Variants in SDCCAG8 observed in about 807,000 individuals in gnomAD.
The protein encoded by SDCCAG8 is SHH signaling and ciliogenesis regulator SDCCAG8, also known as serologically defined colon cancer antigen 8.
SDCCAG8 carries 74 observed loss-of-function variants against 101.8 expected under a neutral mutation model. That is an observed-to-expected ratio of 0.73 (90% CI 0.60 to 0.88). SDCCAG8 has a LOEUF of 0.88. Ranked by LOEUF, SDCCAG8 falls within the 40% of genes least tolerant of loss-of-function variation. SDCCAG8 has a pLI of 0.00. For missense variants in SDCCAG8, 787 were observed against 822.6 expected (o/e 0.96, Z 0.53); for synonymous variants, 281 against 292.9 (o/e 0.96, Z 0.41).
rs1660063173 is a variant in SDCCAG8 at position 243,466,000 on chromosome 1, G to A, written c.1986-23014G>A. 2.0e-5 allele frequency among the ~76,000 whole-genome samples: 3 copies of A among 152,300 alleles called. No homozygotes were observed. In the South Asian group the frequency reaches 6.2e-4, roughly 32 times the overall value. On this transcript the variant is annotated intron_variant, in intron 16 of 17. Transcript: ENST00000366541. ...GGGCAGACTCTCACTCTCTATCTTAGTGGGGCTGGCTAATTTCATTACCTA... is the reference window on the plus strand; with the variant it reads ...GGGCAGACTCTCACTCTCTATCTTAATGGGGCTGGCTAATTTCATTACCTA...
intron 7 of SDCCAG8, chr1:243,307,441 A>G (rs1400798168): frequency 2.0e-6 from 2 of 981,434 alleles, no homozygotes; most frequent in Non-Finnish European, 2.4e-6. Context: ...ATAATTATCT[A>G]TCTAACAGTA....
At chr1:243,256,489 CA>C (rs1244519358) in intron 1 of SDCCAG8, among the ~76,000 whole-genome samples, 1 of 152,252 alleles carries the variant, frequency 6.6e-6, no homozygotes, top group Non-Finnish European at 1.5e-5. Context: ...GCATCTTTCT[CA>C]ACCGGCGACA....
chr1:243,346,261 T>G (rs2075700418), intron 12 of SDCCAG8: 1 of 154,398 alleles, frequency 6.5e-6, no homozygotes, highest in African/African-American at 2.4e-5. Flanking sequence ...TTGGCCACCA[T>G]CTGCACTCAA....
chr1:243,460,263 GA>G (rs369095008), intron 16 of SDCCAG8, among the ~76,000 whole-genome samples: 35 of 152,238 alleles, frequency 2.3e-4, no homozygotes, highest in African/African-American at 7.7e-4. Flanking sequence ...AAAGAGGCAT[GA>G]TTTTTTTTTT....
intron 17 of SDCCAG8, among the ~76,000 whole-genome samples, chr1:243,492,627 T>TG (rs1553382547): frequency 3.5e-4 from 40 of 113,308 alleles, no homozygotes; most frequent in South Asian, 2.8e-3. Flanking sequence ...TTTTTTTTTT[T>TG]GATGAGTTTT....
rs1009382298 is a variant in SDCCAG8, at chr1:243,497,056, A to G, written c.2113-2700A>G. 4.6e-5 allele frequency among the ~76,000 whole-genome samples: 7 copies of G among 152,172 alleles called. No individual in the cohort carries two copies. The South Asian group carries it at 1.2e-3, about 27-fold the overall frequency. On this transcript the variant is annotated intron_variant, in intron 17 of 17. Transcript: ENST00000366541. ...GACGGGAGACACTGGCTGAGGGCTC[A>G]TGTCCCACTGGCATACGCACGCTCT...
chr1:243,394,171 C>T (rs1319826655), intron 13 of SDCCAG8, among the ~76,000 whole-genome samples: 1 of 152,030 alleles, frequency 6.6e-6, no homozygotes, highest in Non-Finnish European at 1.5e-5. Flanking sequence ...AGGTTTATAA[C>T]TTGGCTCAAT....
intron 16 of SDCCAG8, among the ~76,000 whole-genome samples, chr1:243,442,049 G>T (rs759256144): frequency 9.2e-5 from 14 of 151,960 alleles, no homozygotes; most frequent in Non-Finnish European, 1.5e-4. Flanking sequence ...ATAAAACTTC[G>T]TATTTTTACA....
chr1:243,466,117 AG>A (rs1164529924), intron 16 of SDCCAG8, among the ~76,000 whole-genome samples: 1 of 152,208 alleles, frequency 6.6e-6, no homozygotes, highest in Non-Finnish European at 1.5e-5. Flanking sequence ...GGCAAAGCAA[AG>A]GACTTTGGTT....
At chr1:243,353,490 CAAAAAAAAAAAAAAAAAAAAA>C (rs542632635) in intron 12 of SDCCAG8, among the ~76,000 whole-genome samples, 3 of 27,598 alleles carry the variant, frequency 1.1e-4, no homozygotes, top group African/African-American at 4.2e-4. Context: ...GATTCCATCT[CAAAAAAAAAAAAAAAAAAAAA>C]AAAAAAAAAA....
chr1:243,469,282 T>G (rs1477021220), intron 16 of SDCCAG8, among the ~76,000 whole-genome samples: 2 of 152,194 alleles, frequency 1.3e-5, no homozygotes, highest in Non-Finnish European at 2.9e-5. Context: ...TTAAAATGTA[T>G]GATTTTGATG....
intron 12 of SDCCAG8, among the ~76,000 whole-genome samples, chr1:243,356,712 T>C (rs975420781): frequency 2.0e-5 from 3 of 152,020 alleles, no homozygotes; most frequent in Non-Finnish European, 2.9e-5. Flanking sequence ...ATGCTAGACA[T>C]GGTGGCTTAC....
rs1259740809 is a variant in SDCCAG8 at position 243,474,458 on chromosome 1, C to T, written c.1986-14556C>T. ...GCGCGGCTTCGGGACTCGGCCGAGC[C>T]CGGGCCTAGTATCCAGAGTCGAAGC... is the stretch of plus-strand genomic sequence containing the variant. On this transcript the variant is annotated intron_variant, in intron 16 of 17. Transcript: ENST00000366541. This position sits in a 1 kb window ranked among gnomAD's most constrained non-coding sequence, Gnocchi z 4.7. 6.6e-6 allele frequency among the ~76,000 whole-genome samples: 1 copy of T among 152,134 alleles called. No homozygotes were observed. The highest frequency in any genetic ancestry group is 1.5e-5 in the Non-Finnish European group (1 of 68,000).
At chr1:243,256,921 C>T (rs2066766720) in intron 1 of SDCCAG8, among the ~76,000 whole-genome samples, 1 of 152,254 alleles carries the variant, frequency 6.6e-6, no homozygotes, top group Non-Finnish European at 1.5e-5. Context: ...TTTCTTACCA[C>T]ATTACCATAT....
chr1:243,289,794 C>A (rs979635647), intron 5 of SDCCAG8, among the ~76,000 whole-genome samples: 1 of 152,080 alleles, frequency 6.6e-6, no homozygotes, highest in Non-Finnish European at 1.5e-5. Context: ...AAGAGCTTGT[C>A]GACATTGAAC....
chr1:243,448,102 T>A (rs1363487477), intron 16 of SDCCAG8, among the ~76,000 whole-genome samples: 1 of 152,214 alleles, frequency 6.6e-6, no homozygotes, highest in East Asian at 1.9e-4. Context: ...CTCATGGCTG[T>A]AGCTGCTGCA....
At chr1:243,383,307 A>G (rs2078074030) in intron 13 of SDCCAG8, among the ~76,000 whole-genome samples, 1 of 152,222 alleles carries the variant, frequency 6.6e-6, no homozygotes. Flanking sequence ...TATCTTCTGT[A>G]GGCATTCACT....
chr1:243,488,912 C>A, intron 16 of SDCCAG8, 102 bp from the exon 17 acceptor site: 1 of 1,570,218 alleles, frequency 6.4e-7, no homozygotes, highest in South Asian at 1.1e-5. Context: ...GCGTCCTGCT[C>A]ATGGTTCCCT....
intron 12 of SDCCAG8, among the ~76,000 whole-genome samples, chr1:243,347,194 T>C (rs1170725108): frequency 2.0e-5 from 3 of 152,208 alleles, no homozygotes; most frequent in African/African-American, 7.2e-5. Context: ...TTCCTCTACC[T>C]CTTTTTCTTC....
Sources: gnomAD v4.1 joint callset for allele counts (sites outside exome capture counted in the v4.1 genomes callset) on GRCh38, gnomAD v4.1.1 for gene constraint, Gnocchi (gnomAD v3.1) non-coding constraint, MANE v1.5 for transcripts, NCBI Gene and HGNC (gene_info 2026-07-23, HGNC 2026-07-21) for gene names.